Variants in DECR1 observed in about 807,000 individuals in gnomAD.
DECR1 encodes the protein 2,4-dienoyl-CoA reductase 1, also known as 2,4-dienoyl-CoA reductase [(3E)-enoyl-CoA-producing], mitochondrial.
A neutral mutation model predicts 38.8 loss-of-function variants in DECR1; 44 were observed. The ratio of observed to expected loss-of-function variants is 1.13; its 90% CI spans 0.89 to 1.46. DECR1 has a LOEUF of 1.46. Ranked by LOEUF, DECR1 falls within the 40% of genes most tolerant of loss-of-function variation. The pLI, the probability that DECR1 is intolerant of heterozygous loss-of-function variation, is 0.00. For missense variants in DECR1, 428 were observed against 405.5 expected, an observed-to-expected ratio of 1.06 and a Z score of -0.48; for synonymous variants, 148 against 135.2, an observed-to-expected ratio of 1.09 and a Z score of -0.66.
At chr8:90,043,676 G>C (rs1023701461) in intron 7 of DECR1, among the ~76,000 whole-genome samples, 13 of 152,126 alleles carry the variant, frequency 8.5e-5, no homozygotes, top group African/African-American at 2.4e-4. Flanking sequence ...TTATTTAGCA[G>C]TTTAAAGGAT....
chr8:90,021,124 T>G, intron 5 of DECR1, 68 bp downstream of exon 5: 1 of 1,325,388 alleles, frequency 7.5e-7, no homozygotes, highest in Non-Finnish European at 1.0e-6. Flanking sequence ...GTAAGCTCTG[T>G]GATACTTTAA....
chr8:90,024,207 AT>A (rs1456265943), intron 5 of DECR1, among the ~76,000 whole-genome samples: 1 of 152,158 alleles, frequency 6.6e-6, no homozygotes, highest in African/African-American at 2.4e-5. Flanking sequence ...TAGCAGCATG[AT>A]TTATAATCCT....
intron 2 of DECR1, 182 bp from the exon 3 acceptor site, chr8:90,018,727 G>A: frequency 1.8e-6 from 1 of 551,328 alleles, no homozygotes; most frequent in African/African-American, 1.9e-5. Context: ...CAATAAGTTA[G>A]TATCAAATAT....
rs1311151755 is a variant in DECR1, at chr8:90,018,963, T to C, written c.327T>C (p.Asn109=). The C allele has an allele frequency of 6.3e-7, 1 of 1,592,434 alleles. No homozygotes were observed. The highest frequency in any genetic ancestry group is 8.6e-7 in the Non-Finnish European group (1 of 1,164,648). ...AACAAATTTCTTCTCAAACTGGAAATAAGGTACATTAAAAATCAGTTATTT... is the reference window on the plus strand; with the variant it reads ...AACAAATTTCTTCTCAAACTGGAAACAAGGTACATTAAAAATCAGTTATTT... The part of the protein sequence containing the change: ...TAEQISSQTG[N]KVHAIQCDVR... Residue 109 remains asparagine (N), a synonymous_variant, in exon 3 of 10, where the codon AAT becomes AAC. Transcript: ENST00000220764.
chr8:90,018,709 G>C, intron 2 of DECR1, 200 bp from the exon 3 acceptor site: 2 of 505,964 alleles, frequency 4.0e-6, no homozygotes, highest in South Asian at 5.1e-5. Context: ...GTTTAAAAGT[G>C]ACTAATTCAA....
chr8:90,028,499 C>T (rs1057243209), intron 5 of DECR1, among the ~76,000 whole-genome samples: 1 of 151,902 alleles, frequency 6.6e-6, no homozygotes, highest in African/African-American at 2.4e-5. Flanking sequence ...TACTTTATAC[C>T]AGAAAGCTAG....
At chr8:90,045,152 C>A in intron 8 of DECR1, 157 bp downstream of exon 8, 1 of 534,238 alleles carries the variant, frequency 1.9e-6, no homozygotes, top group Non-Finnish European at 3.0e-6. Context: ...ATTGTTTAGC[C>A]TATGACATTT....
Position 90,036,978 on chromosome 8 carries a change from C to G in DECR1, c.665+38C>G, listed in dbSNP as rs200220865. The G allele has an allele frequency of 2.1e-5, 30 of 1,431,152 alleles. No individual in the cohort carries two copies. In the East Asian group the frequency reaches 6.6e-4, roughly 32 times the overall value. The allele number at this position is 1,431,152 out of a possible 1,614,324, so 88.7% of individuals were successfully genotyped here. A position where few individuals can be genotyped will look rare whatever the true frequency, so the allele number is the denominator to read the frequency against. ...TTGTCAATCCTGTTGCTGAACATAA[C>G]TAATACAGTTGGTGGCTCAGGGAAC... is the stretch of plus-strand genomic sequence containing the variant. On this transcript the variant is annotated intron_variant, in intron 6 of 9. Coordinates refer to ENST00000220764, the MANE Select transcript of DECR1 (RefSeq NM_001359.2).
intron 4 of DECR1, 134 bp from the exon 5 acceptor site, chr8:90,020,775 T>G: frequency 1.7e-6 from 1 of 594,582 alleles, no homozygotes; most frequent in Non-Finnish European, 2.6e-6. Flanking sequence ...AATCTCATGG[T>G]ATTGTTTCGT....
chr8:90,018,981 A>G lies in DECR1; in HGVS notation c.330+15A>G. On this transcript the variant is annotated intron_variant, in intron 3 of 9. Coordinates refer to ENST00000220764, the MANE Select transcript of DECR1 (RefSeq NM_001359.2). ...CTGGAAATAAGGTACATTAAAAATC[A>G]GTTATTTAATTTAGATTTAGGAATT... The G allele has an allele frequency of 6.3e-7, 1 of 1,585,230 alleles. No homozygotes were observed. The highest frequency in any genetic ancestry group is 8.6e-7 in the Non-Finnish European group (1 of 1,158,240).
chr8:90,051,201 A>G (rs913988537), intron 8 of DECR1, among the ~76,000 whole-genome samples: 1 of 151,932 alleles, frequency 6.6e-6, no homozygotes, highest in African/African-American at 2.4e-5. Context: ...AAGAGGTTTA[A>G]TTGATTCACT....
chr8:90,045,484 G>T (rs1333904742), intron 8 of DECR1, among the ~76,000 whole-genome samples: 2 of 152,168 alleles, frequency 1.3e-5, no homozygotes, highest in African/African-American at 4.8e-5. Context: ...CTGGGGGAGG[G>T]GTGTCCGCCA....
At chr8:90,047,743 A>T (rs919148944) in intron 8 of DECR1, among the ~76,000 whole-genome samples, 3 of 152,234 alleles carry the variant, frequency 2.0e-5, no homozygotes, top group African/African-American at 7.2e-5. Flanking sequence ...TCTTTTTAGC[A>T]CCACATCTCA....
At chr8:90,015,689 G>A (rs1282921746) in intron 1 of DECR1, 1 of 456,130 alleles carries the variant, frequency 2.2e-6, no homozygotes, top group Non-Finnish European at 4.4e-6. Context: ...GTTTTAACTG[G>A]AGTGTTAATC....
chr8:90,035,076 AGAC>A (rs1813586127), intron 5 of DECR1, among the ~76,000 whole-genome samples: 1 of 152,152 alleles, frequency 6.6e-6, no homozygotes, highest in Non-Finnish European at 1.5e-5. Flanking sequence ...AGAAATGAGA[AGAC>A]AATGAAAATT....
In DECR1 at chr8:90,037,325, C is replaced by G. The variant is rs146183403; in HGVS notation, c.665+385C>G. Among the ~76,000 whole-genome samples, 31 of 152,238 alleles carry G rather than the reference C, an allele frequency of 2.0e-4. No homozygotes were observed. In the East Asian group the frequency reaches 5.6e-3, roughly 27 times the overall value. Reference sequence around the variant, plus strand: ...CCATAGATCTTTATCAGTGCCATCCCTAACCCCTCTCATAAGCACACGTTT... The same window carrying G: ...CCATAGATCTTTATCAGTGCCATCCGTAACCCCTCTCATAAGCACACGTTT... On this transcript the variant is annotated intron_variant, in intron 6 of 9. Transcript: ENST00000220764.
intron 5 of DECR1, among the ~76,000 whole-genome samples, chr8:90,028,247 T>C (rs941771951): frequency 2.0e-5 from 3 of 152,184 alleles, no homozygotes; most frequent in African/African-American, 7.2e-5. Context: ...TTCAACATAG[T>C]GTGATACTCT....
chr8:90,009,101 T>C (rs528337710), intron 1 of DECR1, among the ~76,000 whole-genome samples: 108 of 152,256 alleles, frequency 7.1e-4, no homozygotes, highest in African/African-American at 2.6e-3. Flanking sequence ...AAAGCCTAAG[T>C]CTCCGTAGTG....
intron 1 of DECR1, among the ~76,000 whole-genome samples, chr8:90,002,511 C>CAAA (rs1563608896): frequency 1.3e-5 from 2 of 148,148 alleles, no homozygotes; most frequent in African/African-American, 5.3e-5. Flanking sequence ...CAATAATATC[C>CAAA]AAGACAAGCC....
Sources: allele counts gnomAD v4.1 joint callset (sites outside exome capture counted in the v4.1 genomes callset), GRCh38; gene constraint gnomAD v4.1.1; transcripts MANE v1.5; gene names NCBI Gene and HGNC (gene_info 2026-07-23, HGNC 2026-07-21).